The following SLC30A9 variants were observed in gnomAD, a reference collection of about 807,000 sequenced individuals.
The protein encoded by SLC30A9 is proton-coupled zinc antiporter SLC30A9, mitochondrial.
SLC30A9 carries 58 observed loss-of-function variants against 87.5 expected under a neutral mutation model. The ratio of observed to expected loss-of-function variants is 0.66; its 90% CI spans 0.54 to 0.82. SLC30A9 has a LOEUF of 0.82. SLC30A9 is among the 40% of genes least tolerant of loss of function. The pLI is 0.00. For synonymous variants in SLC30A9, 234 were observed against 233.0 expected, an observed-to-expected ratio of 1.00 and a Z score of -0.04; for missense variants, 557 against 679.1, an observed-to-expected ratio of 0.82 and a Z score of 2.00.
In SLC30A9 at chr4:42,089,260, G is replaced by A. The variant is rs1719023844; in HGVS notation, c.*3134G>A. 6.6e-6 allele frequency: 1 copy of A among 152,042 alleles called. No homozygotes were observed. Among genetic ancestry groups the A allele is most frequent in the Non-Finnish European group, 1.5e-5 (1 of 68,014 alleles). 9.4% of individuals were successfully genotyped at this position (152,042 alleles called of 1,614,324 possible). On this transcript the variant is annotated 3_prime_UTR_variant, in exon 18 of 18. Coordinates refer to ENST00000264451, the MANE Select transcript of SLC30A9 (RefSeq NM_006345.4). ...TTGCACTTAAGAATTTTTATGATGG[G>A]TTTATTGGCACATAACCCAATAATA... is the stretch of plus-strand genomic sequence containing the variant.
intron 2 of SLC30A9, among the ~76,000 whole-genome samples, chr4:42,015,063 T>G (rs1577685347): frequency 7.3e-6 from 1 of 137,684 alleles, no homozygotes; most frequent in Admixed American, 6.8e-5. Flanking sequence ...TATAATTGGG[T>G]TCTTTGTAAC....
At chr4:42,072,516 G>A (rs1718351504) in intron 15 of SLC30A9, among the ~76,000 whole-genome samples, 1 of 151,832 alleles carries the variant, frequency 6.6e-6, no homozygotes, top group Non-Finnish European at 1.5e-5. Context: ...AGTTATTTAG[G>A]GGAGTATGTC....
intron 15 of SLC30A9, among the ~76,000 whole-genome samples, chr4:42,072,495 T>G (rs1287393021): frequency 6.6e-6 from 1 of 152,128 alleles, no homozygotes; most frequent in Non-Finnish European, 1.5e-5. Flanking sequence ...ATTTCTTTTT[T>G]TATTCTTTTC....
chr4:42,012,457 AAG>A (rs1422543913), intron 2 of SLC30A9, among the ~76,000 whole-genome samples: 2 of 151,458 alleles, frequency 1.3e-5, no homozygotes, highest in African/African-American at 4.9e-5. Flanking sequence ...ATTTTAAAAA[AAG>A]CTTATTTTCT....
chr4:41,999,184 T>G (rs1272316340), intron 1 of SLC30A9, among the ~76,000 whole-genome samples: 1 of 152,240 alleles, frequency 6.6e-6, no homozygotes, highest in Non-Finnish European at 1.5e-5. Flanking sequence ...ATTAAAAATG[T>G]GTCACTATTA....
intron 1 of SLC30A9, among the ~76,000 whole-genome samples, chr4:41,997,329 C>A (rs1714764015): frequency 6.6e-6 from 1 of 151,888 alleles, no homozygotes; most frequent in Non-Finnish European, 1.5e-5. Context: ...TAAAGTAAAC[C>A]AGAGATAGTC....
intron 1 of SLC30A9, among the ~76,000 whole-genome samples, chr4:41,991,313 A>T (rs928195612): frequency 2.6e-5 from 4 of 152,268 alleles, no homozygotes; most frequent in Non-Finnish European, 4.4e-5. Flanking sequence ...GGTCCGAAAA[A>T]CAAAGAAACT....
At position 42,079,606 on chromosome 4, in the gene SLC30A9, AT is replaced by A. The variant is rs34885731; in HGVS notation, c.1662+1296del. Among the ~76,000 whole-genome samples, 567 of 140,186 alleles carry A rather than the reference AT, an allele frequency of 4.0e-3. 1 individual carries two copies. Among genetic ancestry groups the A allele is most frequent in the African/African-American group, 0.012 (452 of 36,968 alleles). The allele number at this position is 140,186 out of a possible 152,430, so 92.0% of individuals were successfully genotyped here. A position where few individuals can be genotyped will look rare whatever the true frequency, so the allele number is the denominator to read the frequency against. On this transcript the variant is annotated intron_variant, in intron 17 of 17. Transcript: ENST00000264451. ...GGAGTGAGCCACCCCACCCAGTCAC[AT>A]TTTTTTTTTTTTTTAACTGAGACGG...
At chr4:42,069,038 T>A (rs1473890031) in intron 14 of SLC30A9, among the ~76,000 whole-genome samples, 1 of 152,204 alleles carries the variant, frequency 6.6e-6, no homozygotes, top group Admixed American at 6.5e-5. Context: ...GTGTGCATTT[T>A]AATACCAAAC....
chr4:42,035,397 A>G (rs1260546831), intron 7 of SLC30A9, 64 bp downstream of exon 7: 4 of 1,553,664 alleles, frequency 2.6e-6, no homozygotes, highest in South Asian at 2.3e-5. Flanking sequence ...ATATCAGTCC[A>G]TTGTAAAATT....
chr4:42,052,681 C>T (rs1049056856), intron 9 of SLC30A9, among the ~76,000 whole-genome samples: 6 of 152,084 alleles, frequency 3.9e-5, no homozygotes, highest in Admixed American at 2.0e-4. Flanking sequence ...AAATTGGATC[C>T]ATATGGGGAG....
chr4:42,040,351 C>G (rs912683153), intron 8 of SLC30A9, among the ~76,000 whole-genome samples: 5 of 152,030 alleles, frequency 3.3e-5, no homozygotes, highest in African/African-American at 1.2e-4. Context: ...AAGATATGTA[C>G]TTAAGAAGTA....
At chr4:42,060,719 T>C (rs1377401604) in intron 10 of SLC30A9, among the ~76,000 whole-genome samples, 1 of 152,190 alleles carries the variant, frequency 6.6e-6, no homozygotes, top group Non-Finnish European at 1.5e-5. Context: ...TTAGAATGTA[T>C]TATTTTGAAT....
intron 17 of SLC30A9, among the ~76,000 whole-genome samples, chr4:42,082,051 A>G (rs1273117394): frequency 6.6e-6 from 1 of 151,990 alleles, no homozygotes; most frequent in African/African-American, 2.4e-5. Context: ...CCCCGTCTCT[A>G]CTAAAAATAC....
chr4:42,020,092 T>A (rs1715884812), intron 3 of SLC30A9, among the ~76,000 whole-genome samples: 1 of 152,164 alleles, frequency 6.6e-6, no homozygotes, highest in South Asian at 2.1e-4. Flanking sequence ...AAACTTCAGT[T>A]CATTTTCATT....
At chr4:41,992,074 T>C (rs1004623082) in intron 1 of SLC30A9, among the ~76,000 whole-genome samples, 11 of 152,276 alleles carry the variant, frequency 7.2e-5, no homozygotes, top group African/African-American at 1.9e-4. Flanking sequence ...TGGCTCATGC[T>C]GCTAATCCTC....
At chr4:42,039,574 T>A (rs1054952377) in intron 8 of SLC30A9, among the ~76,000 whole-genome samples, 1 of 151,780 alleles carries the variant, frequency 6.6e-6, no homozygotes, top group Middle Eastern at 3.2e-3. Context: ...GCCATTCTCC[T>A]GCAACAGCCT....
At chr4:42,021,172 T>G (rs916877229) in intron 4 of SLC30A9, among the ~76,000 whole-genome samples, 6 of 152,188 alleles carry the variant, frequency 3.9e-5, no homozygotes, top group African/African-American at 7.2e-5. Context: ...TTTATAACTA[T>G]TACATCAACA....
Position 42,062,901 on chromosome 4 carries a change from T to C in SLC30A9, c.897-85T>C, listed in dbSNP as rs752113807. On this transcript the variant is annotated intron_variant, in intron 10 of 17. Coordinates refer to ENST00000264451, the MANE Select transcript of SLC30A9 (RefSeq NM_006345.4). ...AATTATAACATCTTGATATTGTTAG[T>C]CTTTTTCATTGACCTATTAAGCACA... is the stretch of plus-strand genomic sequence containing the variant. 1,493 of 1,089,896 alleles carry C rather than the reference T, an allele frequency of 1.4e-3. 2 individuals carry two copies. The highest frequency in any genetic ancestry group is 1.9e-3 in the Admixed American group (80 of 41,976). The allele number at this position is 1,089,896 out of a possible 1,614,324, so 67.5% of individuals were successfully genotyped here.
Sources: allele counts gnomAD v4.1 joint callset (sites outside exome capture counted in the v4.1 genomes callset), GRCh38; gene constraint gnomAD v4.1.1; transcripts MANE v1.5; gene names NCBI Gene and HGNC (gene_info 2026-07-23, HGNC 2026-07-21).